The following GALNT13 variants were observed in gnomAD, a reference collection of about 807,000 sequenced individuals.
GALNT13 encodes the protein UDP-GalNAc:polypeptide N-acetylgalactosaminyltransferase 13.
GALNT13 carries 28 observed loss-of-function variants against 64.2 expected under a neutral mutation model. That is an observed-to-expected ratio of 0.44 (90% confidence interval 0.32 to 0.60). The LOEUF (loss-of-function observed/expected upper bound fraction) is 0.60. Among genes scored for constraint, GALNT13 ranks in the 20% least tolerant of loss-of-function variants. GALNT13 has a pLI of 0.05. For synonymous variants in GALNT13, 214 were observed against 224.6 expected, an observed-to-expected ratio of 0.95 and a Z score of 0.42; for missense variants, 577 against 669.8, an observed-to-expected ratio of 0.86 and a Z score of 1.53.
the GALNT13 span, among the ~76,000 whole-genome samples, chr2:153,368,211 T>C: frequency 6.6e-6 from 1 of 152,214 alleles, no homozygotes; most frequent in Non-Finnish European, 1.5e-5. Context: ...AGTGGTGGTA[T>C]TAGGAGGTGG....
chr2:154,420,717 C>A lies in GALNT13; in HGVS notation c.1395+11635C>A, dbSNP rs188915218. 1.1e-3 allele frequency among the ~76,000 whole-genome samples: 172 copies of A among 152,154 alleles called. 2 individuals are homozygous for A. The highest frequency in any genetic ancestry group is 4.1e-3 in the African/African-American group (169 of 41,536). On this transcript the variant is annotated intron_variant, in intron 11 of 12. Coordinates refer to ENST00000392825, the MANE Select transcript of GALNT13 (RefSeq NM_052917.4). ...AAGGACATAATTATTTTCACCATAACCATTTTAAGCACTCTATAATAGATA... is the reference window on the plus strand; with the variant it reads ...AAGGACATAATTATTTTCACCATAAACATTTTAAGCACTCTATAATAGATA...
chr2:153,230,813 G>A, the GALNT13 span, among the ~76,000 whole-genome samples: 1 of 152,046 alleles, frequency 6.6e-6, no homozygotes, highest in African/African-American at 2.4e-5. Context: ...ATAGGCTTTT[G>A]GTCTTTCAGG....
chr2:153,422,497 A>C, the GALNT13 span, among the ~76,000 whole-genome samples: 1 of 152,190 alleles, frequency 6.6e-6, no homozygotes, highest in African/African-American at 2.4e-5. Flanking sequence ...ACAATACTGC[A>C]TTGTCCACTT....
chr2:153,498,858 T>C, the GALNT13 span, among the ~76,000 whole-genome samples: 2 of 152,054 alleles, frequency 1.3e-5, no homozygotes, highest in Non-Finnish European at 2.9e-5. Context: ...TTCGTTCTTT[T>C]TTTTTTTTGA....
the GALNT13 span, among the ~76,000 whole-genome samples, chr2:153,147,646 T>C: frequency 1.3e-5 from 2 of 151,322 alleles, no homozygotes; most frequent in Non-Finnish European, 1.5e-5. Flanking sequence ...AGTCACCTTA[T>C]ATAAGGCAAC....
At chr2:153,381,405 T>C in the GALNT13 span, among the ~76,000 whole-genome samples, 5 of 152,116 alleles carry the variant, frequency 3.3e-5, no homozygotes, top group African/African-American at 1.2e-4. Flanking sequence ...CCAGGAATAT[T>C]GGCGAACATC....
At chr2:153,610,430 T>A in the GALNT13 span, among the ~76,000 whole-genome samples, 5 of 152,130 alleles carry the variant, frequency 3.3e-5, no homozygotes, top group African/African-American at 1.2e-4. Flanking sequence ...ATCCCAGCAC[T>A]TTGGGAGGCC....
chr2:153,097,301 C>A, the GALNT13 span, among the ~76,000 whole-genome samples: 2 of 152,052 alleles, frequency 1.3e-5, no homozygotes, highest in Admixed American at 1.3e-4. Flanking sequence ...GTAGTTTACA[C>A]AGCACAGTTA....
At chr2:153,878,786 T>C (rs1357177251) in intron 1 of GALNT13, among the ~76,000 whole-genome samples, 1 of 152,180 alleles carries the variant, frequency 6.6e-6, no homozygotes, top group Non-Finnish European at 1.5e-5. Flanking sequence ...GCAGGTTTGG[T>C]TAGTGCTCTT....
intron 3 of GALNT13, among the ~76,000 whole-genome samples, chr2:154,015,006 T>C (rs966983143): frequency 6.6e-6 from 1 of 152,128 alleles, no homozygotes; most frequent in Admixed American, 6.6e-5. Flanking sequence ...TATTGACATA[T>C]ACATTGAATA....
the GALNT13 span, among the ~76,000 whole-genome samples, chr2:153,793,915 C>T: frequency 6.6e-6 from 1 of 152,210 alleles, no homozygotes; most frequent in South Asian, 2.1e-4. Flanking sequence ...TGCAATCTCC[C>T]ACAGTGTATG....
At chr2:153,705,252 T>A in the GALNT13 span, among the ~76,000 whole-genome samples, 1 of 152,184 alleles carries the variant, frequency 6.6e-6, no homozygotes, top group African/African-American at 2.4e-5. Context: ...GTCGCTTTCC[T>A]CAGTTTCCAT....
chr2:153,789,903 A>T, the GALNT13 span, among the ~76,000 whole-genome samples: 1 of 152,208 alleles, frequency 6.6e-6, no homozygotes, highest in Non-Finnish European at 1.5e-5. Context: ...TTCCCTGAGC[A>T]GACCAATAAT....
chr2:153,149,188 T>C, the GALNT13 span, among the ~76,000 whole-genome samples: 2 of 151,898 alleles, frequency 1.3e-5, no homozygotes, highest in African/African-American at 2.4e-5. Context: ...GGCAGATAAT[T>C]GATTTAATCA....
intron 9 of GALNT13, among the ~76,000 whole-genome samples, chr2:154,325,715 C>A (rs978603435): frequency 1.3e-5 from 2 of 151,822 alleles, no homozygotes; most frequent in African/African-American, 4.8e-5. Context: ...TTGAGGCATC[C>A]ATCACCTCAT....
chr2:153,631,769 C>G, the GALNT13 span, among the ~76,000 whole-genome samples: 1 of 152,156 alleles, frequency 6.6e-6, no homozygotes, highest in African/African-American at 2.4e-5. Flanking sequence ...CCTGTTCACT[C>G]TGATGGTAGT....
At chr2:153,303,597 T>C in the GALNT13 span, among the ~76,000 whole-genome samples, 4 of 152,174 alleles carry the variant, frequency 2.6e-5, no homozygotes, top group African/African-American at 7.2e-5. Context: ...TGAATAGAAG[T>C]GGTAAGAGTA....
At chr2:154,371,265 A>G (rs1697669768) in intron 9 of GALNT13, among the ~76,000 whole-genome samples, 1 of 152,114 alleles carries the variant, frequency 6.6e-6, no homozygotes, top group Non-Finnish European at 1.5e-5. Context: ...AGAATTTCCA[A>G]TGCCTGATCC....
intron 3 of GALNT13, among the ~76,000 whole-genome samples, chr2:154,126,371 C>T (rs1682260376): frequency 6.6e-6 from 1 of 152,062 alleles, no homozygotes; most frequent in South Asian, 2.1e-4. Flanking sequence ...CGCGGTTGCT[C>T]ACGCCTGTAA....
Sources: allele counts gnomAD v4.1 joint callset (sites outside exome capture counted in the v4.1 genomes callset), GRCh38; gene constraint gnomAD v4.1.1; transcripts MANE v1.5; gene names NCBI Gene and HGNC (gene_info 2026-07-23, HGNC 2026-07-21).